The following NLGN1 variants were observed in gnomAD, a reference collection of about 807,000 sequenced individuals.
The protein encoded by NLGN1 is neuroligin 1.
Under a neutral mutation model 65.5 loss-of-function variants are expected in NLGN1, and 12 were observed. That is an observed-to-expected ratio of 0.18 (90% CI 0.12 to 0.30). The LOEUF (loss-of-function observed/expected upper bound fraction) is 0.30, where lower values mean the gene tolerates loss of function less well. Among genes scored for constraint, NLGN1 ranks in the 10% least tolerant of loss-of-function variants. The pLI is 1.00. For synonymous variants in NLGN1, 350 were observed against 359.5 expected, an observed-to-expected ratio of 0.97 and a Z score of 0.30; for missense variants, 750 against 1,007.1, an observed-to-expected ratio of 0.74 and a Z score of 3.46.
At chr3:173,732,650 G>T (rs1179413831) in intron 3 of NLGN1, among the ~76,000 whole-genome samples, 1 of 152,026 alleles carries the variant, frequency 6.6e-6, no homozygotes, top group Non-Finnish European at 1.5e-5. Context: ...AAAAGTGACG[G>T]TTTTTTAAAC....
At chr3:174,212,252 G>T (rs1359514383) in intron 4 of NLGN1, among the ~76,000 whole-genome samples, 1 of 152,210 alleles carries the variant, frequency 6.6e-6, no homozygotes, top group Non-Finnish European at 1.5e-5. Context: ...AGCAGGGCTG[G>T]CCGGCTGCTC....
At chr3:174,185,301 A>G (rs1731184702) in intron 4 of NLGN1, among the ~76,000 whole-genome samples, 1 of 152,068 alleles carries the variant, frequency 6.6e-6, no homozygotes, top group South Asian at 2.1e-4. Context: ...CATCCCACAC[A>G]TTGTCTAAAT....
At chr3:173,673,420 G>A (rs1454508677) in intron 3 of NLGN1, among the ~76,000 whole-genome samples, 4 of 152,134 alleles carry the variant, frequency 2.6e-5, no homozygotes, top group Admixed American at 6.5e-5. Flanking sequence ...GAACATTAGA[G>A]TATACATTAA....
intron 4 of NLGN1, among the ~76,000 whole-genome samples, chr3:174,178,400 G>C (rs1729823185): frequency 6.6e-6 from 1 of 152,110 alleles, no homozygotes; most frequent in Admixed American, 6.6e-5. Context: ...AGATGAAAGT[G>C]CCCTGCTGCA....
intron 4 of NLGN1, among the ~76,000 whole-genome samples, chr3:174,125,542 G>A (rs1718753991): frequency 6.6e-6 from 1 of 152,002 alleles, no homozygotes; most frequent in Non-Finnish European, 1.5e-5. Flanking sequence ...TTCAGGTGTG[G>A]ACATACTCTT....
intron 3 of NLGN1, among the ~76,000 whole-genome samples, chr3:173,686,651 C>T (rs1764721355): frequency 6.6e-6 from 1 of 152,110 alleles, no homozygotes; most frequent in African/African-American, 2.4e-5. Context: ...CTCCAACATC[C>T]TGTGTATAAA....
At chr3:173,740,810 A>G (rs1490206030) in intron 3 of NLGN1, among the ~76,000 whole-genome samples, 2 of 152,066 alleles carry the variant, frequency 1.3e-5, no homozygotes, top group Non-Finnish European at 2.9e-5. Flanking sequence ...GGAAAGGATA[A>G]ATTGTTCTCG....
chr3:174,185,788 C>T (rs993052060), intron 4 of NLGN1, among the ~76,000 whole-genome samples: 9 of 144,422 alleles, frequency 6.2e-5, no homozygotes, highest in Non-Finnish European at 1.2e-4. Flanking sequence ...AGTAAAGGTA[C>T]CCTAAAATAG....
At chr3:174,292,846 G>T in the NLGN1 span, among the ~76,000 whole-genome samples, 1 of 151,276 alleles carries the variant, frequency 6.6e-6, no homozygotes, top group African/African-American at 2.4e-5. Context: ...CTCAGAAAAG[G>T]CTTGCACCCA....
At chr3:174,067,112 A>G (rs1326095325) in intron 4 of NLGN1, among the ~76,000 whole-genome samples, 1 of 152,138 alleles carries the variant, frequency 6.6e-6, no homozygotes, top group East Asian at 1.9e-4. Context: ...AAAGAAAAAA[A>G]TTAAAAACAA....
chr3:174,124,644 A>G (rs1417602968), intron 4 of NLGN1, among the ~76,000 whole-genome samples: 1 of 146,756 alleles, frequency 6.8e-6, no homozygotes, highest in East Asian at 2.0e-4. Context: ...TATATATATA[A>G]GTACATACTT....
intron 4 of NLGN1, among the ~76,000 whole-genome samples, chr3:174,258,882 G>T (rs1455064554): frequency 1.3e-5 from 2 of 151,982 alleles, no homozygotes; most frequent in Non-Finnish European, 2.9e-5. Context: ...GGAAGGAGAG[G>T]GTGGAAGAGG....
At chr3:173,449,572 A>C (rs548433335) in intron 2 of NLGN1, among the ~76,000 whole-genome samples, 5 of 152,270 alleles carry the variant, frequency 3.3e-5, no homozygotes, top group African/African-American at 7.2e-5. Context: ...GTAGATGTCT[A>C]TTAGGTCCGC....
chr3:173,623,953 T>A (rs888136369), intron 3 of NLGN1, among the ~76,000 whole-genome samples: 5 of 152,110 alleles, frequency 3.3e-5, no homozygotes, highest in African/African-American at 1.2e-4. Context: ...AGGCAATAAA[T>A]AACTTTATTA....
chr3:173,675,787 C>A (rs1763048150), intron 3 of NLGN1, among the ~76,000 whole-genome samples: 1 of 151,772 alleles, frequency 6.6e-6, no homozygotes, highest in African/African-American at 2.4e-5. Context: ...GCGGTGGACA[C>A]ATGAGCCTGA....
intron 4 of NLGN1, among the ~76,000 whole-genome samples, chr3:173,918,059 T>C (rs1400144611): frequency 6.6e-6 from 1 of 152,180 alleles, no homozygotes; most frequent in African/African-American, 2.4e-5. Flanking sequence ...TAAGATAATG[T>C]ATGTAAGATG....
intron 4 of NLGN1, among the ~76,000 whole-genome samples, chr3:174,249,249 T>G (rs1411626669): frequency 6.6e-6 from 1 of 152,224 alleles, no homozygotes; most frequent in Non-Finnish European, 1.5e-5. Context: ...TCCTACATTT[T>G]CATTTTCACA....
chr3:173,809,696 CTTTTT>C (rs1717476235), intron 4 of NLGN1, among the ~76,000 whole-genome samples: 1 of 151,972 alleles, frequency 6.6e-6, no homozygotes. Flanking sequence ...CATTCTTTTT[CTTTTT>C]ATGTGTTCAG....
intron 4 of NLGN1, among the ~76,000 whole-genome samples, chr3:174,233,854 T>G (rs1741176744): frequency 6.6e-6 from 1 of 152,220 alleles, no homozygotes; most frequent in Admixed American, 6.5e-5. Context: ...CACAAAATAT[T>G]ACCATCTTTG....
Sources: gnomAD v4.1 joint callset for allele counts (sites outside exome capture counted in the v4.1 genomes callset) on GRCh38, gnomAD v4.1.1 for gene constraint, MANE v1.5 for transcripts, NCBI Gene and HGNC (gene_info 2026-07-23, HGNC 2026-07-21) for gene names.